DMD: variants seen among roughly 807,000 people sequenced by gnomAD.
DMD encodes the protein mutant dystrophin.
DMD carries 63 observed loss-of-function variants against 330.1 expected under a neutral mutation model. That is an observed-to-expected ratio of 0.19 (90% CI 0.16 to 0.24). The LOEUF (loss-of-function observed/expected upper bound fraction) is 0.24, where lower values mean the gene tolerates loss of function less well. Ranked by LOEUF, DMD falls within the 10% of genes least tolerant of loss-of-function variation. DMD has a pLI of 1.00. For synonymous variants in DMD, 1,223 were observed against 959.8 expected (o/e 1.27, Z -5.07); for missense variants, 3,344 against 2,684.1 (o/e 1.25, Z -5.43).
At chrX:32,742,279 C>A (rs2069385577) in intron 7 of DMD, among the ~76,000 whole-genome samples, 1 of 111,786 alleles carries the variant, frequency 8.9e-6, no homozygotes, top group Non-Finnish European at 1.9e-5. Context: ...TGTGTTTATT[C>A]CGTTCTAAAA....
chrX:31,488,355 C>T (rs2068982525), intron 57 of DMD, among the ~76,000 whole-genome samples: 1 of 111,984 alleles, frequency 8.9e-6, no homozygotes, highest in Admixed American at 9.5e-5. Flanking sequence ...TATTAGAAAA[C>T]CCTGTGACAA....
At position 31,705,151 on chromosome X, in the gene DMD, T is replaced by A. The variant is rs141836754; in HGVS notation, c.7660+24480A>T. Among the ~76,000 whole-genome samples, 525 of 112,405 alleles carry A rather than the reference T, an allele frequency of 4.7e-3. 5 individuals are homozygous for A. Among genetic ancestry groups the A allele is most frequent in the African/African-American group, 0.017 (513 of 31,004 alleles). On this transcript the variant is annotated intron_variant, in intron 52 of 78. Transcript: ENST00000357033. The stretch of plus-strand genomic sequence containing the variant: ...TCTGGGCTTGAAAACATTAGTCATG[T>A]TGCTAATTGGAGAGTAGATTGGAGG...
rs1232622800 is a variant in DMD, at chrX:31,781,406, T to C, written c.7310-7214A>G. 2.7e-5 allele frequency among the ~76,000 whole-genome samples: 3 copies of C among 112,323 alleles called. No individual in the cohort carries two copies. The East Asian group carries it at 8.4e-4, about 31-fold the overall frequency. ...AAGAGCTATAGCTTATAATATATGG[T>C]ATCCATGAAATATATCTAATATCCA... On this transcript the variant is annotated intron_variant, in intron 50 of 78. Coordinates refer to ENST00000357033, the MANE Select transcript of DMD (RefSeq NM_004006.3).
chrX:32,749,467 T>C (rs1216469064), intron 7 of DMD, among the ~76,000 whole-genome samples: 1 of 112,324 alleles, frequency 8.9e-6, no homozygotes, highest in Non-Finnish European at 1.9e-5. Context: ...TTATCCAGAA[T>C]TTATATGGTC....
intron 2 of DMD, among the ~76,000 whole-genome samples, chrX:32,855,888 T>C (rs1445025255): frequency 9.1e-6 from 1 of 110,214 alleles, no homozygotes; most frequent in Non-Finnish European, 1.9e-5. Flanking sequence ...ACACACAGAG[T>C]AGGAGAGAAT....
intron 7 of DMD, among the ~76,000 whole-genome samples, chrX:32,728,837 A>G (rs2067195362): frequency 9.0e-6 from 1 of 111,724 alleles, no homozygotes; most frequent in South Asian, 3.7e-4. Context: ...CAGTTCTTAA[A>G]CTGAAGAAGG....
In DMD at chrX:32,430,754, C is replaced by T. The variant is rs146394779; in HGVS notation, c.4071+7487G>A. 8.8e-3 allele frequency among the ~76,000 whole-genome samples: 986 copies of T among 111,441 alleles called. 15 individuals carry two copies. Among genetic ancestry groups the T allele is most frequent in the African/African-American group, 0.03 (934 of 30,707 alleles). ...CTGGCAGGAAGCATTCCACATTCTC[C>T]TTCCATTAGTTTGACTGTATTAGAT... On this transcript the variant is annotated intron_variant, in intron 29 of 78. Coordinates refer to ENST00000357033, the MANE Select transcript of DMD (RefSeq NM_004006.3).
chrX:31,478,839 C>T, intron 58 of DMD, 144 bp downstream of exon 58: 2 of 594,100 alleles, frequency 3.4e-6, no homozygotes, highest in Non-Finnish European at 2.5e-6. Flanking sequence ...ATTTTTTTTT[C>T]AGCATCTATG....
intron 57 of DMD, among the ~76,000 whole-genome samples, chrX:31,488,974 C>T (rs2069036095): frequency 1.8e-5 from 2 of 111,958 alleles, no homozygotes. Context: ...TTTCTAGAAC[C>T]TATCACTGTC....
intron 47 of DMD, among the ~76,000 whole-genome samples, chrX:31,910,872 A>T (rs2094539215): frequency 8.9e-6 from 1 of 112,432 alleles, no homozygotes; most frequent in Non-Finnish European, 1.9e-5. Context: ...GTGGGAGAAA[A>T]TATCAGAAGA....
chrX:32,820,595 A>G (rs943375439), intron 5 of DMD, among the ~76,000 whole-genome samples: 5 of 112,068 alleles, frequency 4.5e-5, no homozygotes, highest in African/African-American at 1.6e-4. Flanking sequence ...AGATCATATA[A>G]GAAGTAGTAT....
intron 44 of DMD, among the ~76,000 whole-genome samples, chrX:32,048,670 C>T (rs1486967084): frequency 9.1e-6 from 1 of 110,342 alleles, no homozygotes; most frequent in African/African-American, 3.3e-5. Context: ...GGGTTCTTTG[C>T]CTCCCCTGCT....
chrX:31,139,755 G>C (rs762414419), intron 76 of DMD, among the ~76,000 whole-genome samples: 1 of 111,079 alleles, frequency 9.0e-6, no homozygotes, highest in Non-Finnish European at 1.9e-5. Context: ...TGGGTACAGT[G>C]TACACTGCTC....
At chrX:32,566,753 T>C (rs1293248007) in intron 15 of DMD, among the ~76,000 whole-genome samples, 1 of 111,904 alleles carries the variant, frequency 8.9e-6, no homozygotes, top group Non-Finnish European at 1.9e-5. Context: ...GTTTTTCTTT[T>C]ACTTGACTCA....
In DMD at chrX:31,186,987, T is replaced by C. The variant is rs138813072; in HGVS notation, c.9808-4083A>G. The stretch of plus-strand genomic sequence containing the variant: ...CCCCTGTCAAAAGTGCTGCATCACA[T>C]TGAGCTGAAATCCATCAGCACAGCA... On this transcript the variant is annotated intron_variant, in intron 67 of 78. Coordinates refer to ENST00000357033, the MANE Select transcript of DMD (RefSeq NM_004006.3). Among the ~76,000 whole-genome samples the C allele has an allele frequency of 1.5e-3, 170 of 112,845 alleles. 1 individual carries two copies. The highest frequency in any genetic ancestry group is 5.3e-3 in the African/African-American group (164 of 31,096).
At chrX:32,305,552 TACCG>T (rs1406583121) in intron 42 of DMD, among the ~76,000 whole-genome samples, 1 of 111,301 alleles carries the variant, frequency 9.0e-6, no homozygotes, top group Non-Finnish European at 1.9e-5. Context: ...ATTCTCTCAC[TACCG>T]ACCAAGTCCA....
intron 61 of DMD, among the ~76,000 whole-genome samples, chrX:31,336,634 T>C (rs1601948554): frequency 8.9e-6 from 1 of 112,365 alleles, no homozygotes; most frequent in Admixed American, 9.4e-5. Context: ...TACCCTTAGA[T>C]GGATAATAAA....
chrX:31,389,938 G>A (rs2060618198), intron 60 of DMD, among the ~76,000 whole-genome samples: 1 of 111,781 alleles, frequency 8.9e-6, no homozygotes, highest in African/African-American at 3.2e-5. Flanking sequence ...TGCCATTCTA[G>A]AGCAAGCCCT....
At chrX:32,855,085 T>C (rs775355929) in intron 2 of DMD, among the ~76,000 whole-genome samples, 2 of 112,032 alleles carry the variant, frequency 1.8e-5, no homozygotes, top group South Asian at 7.4e-4. Flanking sequence ...AACCATATCA[T>C]TTCAATAGAT....
Sources: allele counts gnomAD v4.1 joint callset (sites outside exome capture counted in the v4.1 genomes callset), GRCh38; gene constraint gnomAD v4.1.1; transcripts MANE v1.5; gene names NCBI Gene and HGNC (gene_info 2026-07-23, HGNC 2026-07-21).